PACRG: variants seen among roughly 807,000 people sequenced by gnomAD.
The protein encoded by PACRG is parkin coregulated, also known as parkin coregulated gene protein.
PACRG carries 29 observed loss-of-function variants against 29.7 expected under a neutral mutation model. The observed-to-expected ratio is 0.98, with a 90% CI of 0.73 to 1.33. The LOEUF (loss-of-function observed/expected upper bound fraction) is 1.33. Ranked by LOEUF, PACRG falls within the 40% of genes most tolerant of loss-of-function variation. The pLI is 0.00. For synonymous variants in PACRG, 116 were observed against 118.7 expected, an observed-to-expected ratio of 0.98 and a Z score of 0.15; for missense variants, 279 against 316.2, an observed-to-expected ratio of 0.88 and a Z score of 0.89.
intron 2 of PACRG, among the ~76,000 whole-genome samples, chr6:162,922,041 C>CT (rs1562736147): frequency 6.6e-6 from 1 of 151,972 alleles, no homozygotes; most frequent in Non-Finnish European, 1.5e-5. Context: ...TAAGTCCCCG[C>CT]TTTTTCCACG....
At chr6:163,306,133 T>C (rs1216705855) in intron 4 of PACRG, among the ~76,000 whole-genome samples, 2 of 152,260 alleles carry the variant, frequency 1.3e-5, no homozygotes, top group African/African-American at 4.8e-5. Flanking sequence ...ATAATAGTAT[T>C]TAGCTCATAG....
intron 2 of PACRG, among the ~76,000 whole-genome samples, chr6:162,978,226 G>A (rs1310149408): frequency 6.6e-6 from 1 of 152,048 alleles, no homozygotes; most frequent in African/African-American, 2.4e-5. Flanking sequence ...GAATATGGCT[G>A]AAGAAATTAT....
intron 2 of PACRG, among the ~76,000 whole-genome samples, chr6:163,036,794 A>G (rs1808227242): frequency 6.6e-6 from 1 of 152,148 alleles, no homozygotes; most frequent in Admixed American, 6.6e-5. Flanking sequence ...TGAATTAACT[A>G]AAGAGCAATT....
At chr6:162,746,135 G>A (rs947943728) in intron 1 of PACRG, among the ~76,000 whole-genome samples, 1 of 152,018 alleles carries the variant, frequency 6.6e-6, no homozygotes, top group Non-Finnish European at 1.5e-5. Context: ...TTTTTGCTTA[G>A]AAGAAAATCT....
intron 4 of PACRG, among the ~76,000 whole-genome samples, chr6:163,314,291 C>A (rs1189469482): frequency 6.6e-6 from 1 of 152,208 alleles, no homozygotes; most frequent in Non-Finnish European, 1.5e-5. Context: ...TCCTGTCCCA[C>A]CTGCACCTGG....
At chr6:162,815,833 AG>A (rs1294962568) in intron 2 of PACRG, among the ~76,000 whole-genome samples, 1 of 152,124 alleles carries the variant, frequency 6.6e-6, no homozygotes, top group African/African-American at 2.4e-5. Context: ...AATACAATGG[AG>A]TTTCTTCAAA....
chr6:163,073,562 CA>C (rs780064612), intron 3 of PACRG, among the ~76,000 whole-genome samples: 3 of 152,052 alleles, frequency 2.0e-5, no homozygotes, highest in African/African-American at 7.2e-5. Context: ...CACAGGCAAC[CA>C]AAGCAAAAAT....
At chr6:163,079,416 A>G (rs977721788) in intron 3 of PACRG, among the ~76,000 whole-genome samples, 1 of 151,610 alleles carries the variant, frequency 6.6e-6, no homozygotes, top group Non-Finnish European at 1.5e-5. Flanking sequence ...TTAAAAAAAA[A>G]AAAAAGAAAG....
At chr6:163,048,151 T>C (rs569945892) in intron 2 of PACRG, among the ~76,000 whole-genome samples, 11 of 152,276 alleles carry the variant, frequency 7.2e-5, no homozygotes, top group African/African-American at 2.4e-4. Context: ...AGTTCTTTTT[T>C]TTCCCTTCCA....
intron 2 of PACRG, among the ~76,000 whole-genome samples, chr6:162,966,477 A>T (rs868075266): frequency 0.011 from 1,364 of 125,168 alleles, 29 homozygotes; most frequent in African/African-American, 0.036. Flanking sequence ...AATGACATGT[A>T]TTTTTTTTTT....
chr6:162,830,284 A>G (rs1455375189), intron 2 of PACRG, among the ~76,000 whole-genome samples: 1 of 152,148 alleles, frequency 6.6e-6, no homozygotes, highest in Non-Finnish European at 1.5e-5. Flanking sequence ...AGTCACTGGC[A>G]GGTTAGAAGC....
intron 2 of PACRG, among the ~76,000 whole-genome samples, chr6:162,816,096 C>T (rs1562626098): frequency 6.6e-6 from 1 of 152,022 alleles, no homozygotes; most frequent in Non-Finnish European, 1.5e-5. Context: ...ATCCAACAGT[C>T]AGCAGGGATA....
intron 2 of PACRG, among the ~76,000 whole-genome samples, chr6:162,926,267 C>A (rs1797433339): frequency 6.6e-6 from 1 of 152,112 alleles, no homozygotes; most frequent in Admixed American, 6.6e-5. Flanking sequence ...TCTCATAAAA[C>A]TACCATTGAC....
intron 2 of PACRG, among the ~76,000 whole-genome samples, chr6:162,821,210 A>G (rs1238226258): frequency 1.3e-5 from 2 of 152,210 alleles, no homozygotes; most frequent in Non-Finnish European, 2.9e-5. Flanking sequence ...ACTTTTATGT[A>G]GCAGAGCTGC....
rs959720671 is a variant in PACRG at position 163,288,763 on chromosome 6, C to T, written c.614-26064C>T. Among the ~76,000 whole-genome samples, 6 of 152,086 alleles carry T rather than the reference C, an allele frequency of 3.9e-5. 1 individual carries two copies. In the South Asian group the frequency reaches 6.2e-4, roughly 16 times the overall value. The stretch of plus-strand genomic sequence containing the variant: ...TGAATGGCTTTCCCAATTACCTTCC[C>T]GGAATATACAGGGACCATAAATTAG... On this transcript the variant is annotated intron_variant, in intron 4 of 4. Transcript: ENST00000366888.
chr6:162,997,919 G>T (rs1327783113), intron 2 of PACRG, among the ~76,000 whole-genome samples: 1 of 152,086 alleles, frequency 6.6e-6, no homozygotes, highest in East Asian at 1.9e-4. Context: ...CTAATTCCTT[G>T]CCAGGAGATA....
intron 2 of PACRG, among the ~76,000 whole-genome samples, chr6:162,848,263 A>T (rs1056797736): frequency 1.3e-5 from 2 of 152,228 alleles, no homozygotes; most frequent in Admixed American, 6.5e-5. Flanking sequence ...ACCAGCAAGG[A>T]AACACAATGA....
intron 4 of PACRG, among the ~76,000 whole-genome samples, chr6:163,292,557 C>T (rs113039712): frequency 0.17 from 22,090 of 130,358 alleles, 1,969 homozygotes; most frequent in Non-Finnish European, 0.23. Context: ...TCTGCCACCA[C>T]GCCCAGCTAA....
chr6:163,280,937 A>T (rs1784206165), intron 4 of PACRG, among the ~76,000 whole-genome samples: 1 of 152,206 alleles, frequency 6.6e-6, no homozygotes, highest in Non-Finnish European at 1.5e-5. Context: ...AACTTATGGC[A>T]GGAAATGATG....
Sources: gnomAD v4.1 joint callset for allele counts (sites outside exome capture counted in the v4.1 genomes callset) on GRCh38, gnomAD v4.1.1 for gene constraint, MANE v1.5 for transcripts, NCBI Gene and HGNC (gene_info 2026-07-23, HGNC 2026-07-21) for gene names.